Variants in TLN1 observed in about 807,000 individuals in gnomAD.
TLN1 encodes the protein talin-1.
Under a neutral mutation model 292.3 loss-of-function variants are expected in TLN1, and 56 were observed. The ratio of observed to expected loss-of-function variants is 0.19; its 90% CI spans 0.15 to 0.24. The LOEUF is 0.24. TLN1 is among the 10% of genes least tolerant of loss of function. The pLI is 1.00. For missense variants in TLN1, 2,433 were observed against 3,248.2 expected (o/e 0.75, Z 6.10); for synonymous variants, 1,119 against 1,253.7 (o/e 0.89, Z 2.27).
chr9:35,729,353 G>A (rs1455834276), intron 1 of TLN1, among the ~76,000 whole-genome samples: 1 of 152,210 alleles, frequency 6.6e-6, no homozygotes, highest in Non-Finnish European at 1.5e-5. Context: ...AATCGTGGAG[G>A]AGCATTCAGG....
In TLN1 at chr9:35,724,754, C is replaced by G; in HGVS notation, c.359-30G>C. ...GGAAGGAGATGGCTTGTTAGCTTCC[C>G]AGGTACTGCATCCATGCCTTTTGAG... On this transcript the variant is annotated intron_variant, in intron 4 of 56. Transcript: ENST00000314888. This position sits in a 1 kb window ranked among gnomAD's most constrained non-coding sequence, Gnocchi z 4.7. 6.2e-7 allele frequency: 1 copy of G among 1,613,888 alleles called. No homozygotes were observed. The highest frequency in any genetic ancestry group is 1.1e-5 in the South Asian group (1 of 91,080).
intron 19 of TLN1, among the ~76,000 whole-genome samples, 160 bp from the exon 20 acceptor site, chr9:35,716,716 T>C (rs933692673): frequency 2.6e-5 from 4 of 152,132 alleles, no homozygotes; most frequent in Non-Finnish European, 4.4e-5. Context: ...TTGGGGCTAT[T>C]TTTTTTCTGG....
intron 1 of TLN1, among the ~76,000 whole-genome samples, chr9:35,730,295 T>A (rs1293982977): frequency 6.6e-6 from 1 of 151,266 alleles, no homozygotes; most frequent in Non-Finnish European, 1.5e-5. Context: ...TCAGGCTGAG[T>A]AGAGGATAGT....
chr9:35,712,883 CT>C lies in TLN1; in HGVS notation c.3512del (p.Lys1171ArgfsTer22). Reference protein sequence around the residue: ...KASSLIEEAKKAAGHPGDPES... With the variant: ...KASSLIEEAKXAAGHPGDPES... ...CAGGGTCCCCTGGATGGCCAGCTGCCTTTTTCGCCTCCTCAATGAGGCTGCT... is the reference window on the plus strand; with the variant it reads ...CAGGGTCCCCTGGATGGCCAGCTGCCTTTTCGCCTCCTCAATGAGGCTGCT... On this transcript the variant is annotated frameshift_variant, in exon 27 of 57. Transcript: ENST00000314888. LOFTEE classifies it high-confidence loss of function. 1.3e-6 allele frequency: 2 copies of C among 1,598,752 alleles called. No homozygotes were observed. Among genetic ancestry groups the C allele is most frequent in the Non-Finnish European group, 1.7e-6 (2 of 1,172,082 alleles).
Position 35,725,330 on chromosome 9 carries a change from G to A in TLN1, c.131-9C>T. 1.2e-6 allele frequency: 2 copies of A among 1,613,842 alleles called. No individual in the cohort carries two copies. Among genetic ancestry groups the A allele is most frequent in the South Asian group, 1.1e-5 (1 of 91,046 alleles). On this transcript the variant is annotated splice_polypyrimidine_tract_variant and intron_variant, in intron 2 of 56. Coordinates refer to ENST00000314888, the MANE Select transcript of TLN1 (RefSeq NM_006289.4). ...GAGCCCAAAGTCGCTGGCTAAAAGA[G>A]AGGATGGATCACTTTAGGCTTATGA... is the stretch of plus-strand genomic sequence containing the variant.
chr9:35,699,197 G>A lies in TLN1; in HGVS notation c.6875-41C>T. On this transcript the variant is annotated intron_variant, in intron 51 of 56. Coordinates refer to ENST00000314888, the MANE Select transcript of TLN1 (RefSeq NM_006289.4). The surrounding 1 kb of genome is among the most constrained non-coding windows in gnomAD (Gnocchi z 4.0). ...AAGAGGAAAGAGGCTAAGGCAGAGT[G>A]GGGAGGTCAAAAGCACCAGGGAGCA... 1.9e-6 allele frequency: 3 copies of A among 1,585,822 alleles called. No homozygotes were observed. The highest frequency in any genetic ancestry group is 2.3e-5 in the South Asian group (2 of 88,858).
At position 35,732,118 on chromosome 9, in the gene TLN1, C is replaced by T. The variant is rs1173575719; in HGVS notation, c.-77G>A. ...CGCCCCGCCCGCCGGCCCGCCGCCC[C>T]GCCGCTTCTCGGGTCGCCCTCGGGC... On this transcript the variant is annotated 5_prime_UTR_variant, in exon 1 of 57. Coordinates refer to ENST00000314888, the MANE Select transcript of TLN1 (RefSeq NM_006289.4). This position sits in a 1 kb window ranked among gnomAD's most constrained non-coding sequence, Gnocchi z 5.1. 6.5e-6 allele frequency: 1 copy of T among 154,018 alleles called. No homozygotes were observed. Among genetic ancestry groups the T allele is most frequent in the Non-Finnish European group, 1.4e-5 (1 of 68,984 alleles). 9.5% of individuals were successfully genotyped at this position (154,018 alleles called of 1,614,324 possible). A position where few individuals can be genotyped will look rare whatever the true frequency, so the allele number is the denominator to read the frequency against.
chr9:35,699,048 G>A lies in TLN1; in HGVS notation c.6983C>T (p.Pro2328Leu). The A allele has an allele frequency of 6.2e-7, 1 of 1,613,508 alleles. No individual in the cohort carries two copies. Among genetic ancestry groups the A allele is most frequent in the East Asian group, 2.2e-5 (1 of 44,854 alleles). The change falls in exon 52 of 57, where the codon CCC (proline) becomes CTC (leucine). Residue 2328 changes from proline to leucine, a missense_variant. This residue lies in a region of TLN1 where 1,384 missense variants were observed against 1,699.6 expected (regional missense o/e 0.81). Coordinates refer to ENST00000314888, the MANE Select transcript of TLN1 (RefSeq NM_006289.4). This position sits in a 1 kb window ranked among gnomAD's most constrained non-coding sequence, Gnocchi z 4.0. ...AGGACTGACCTTGGGTTTGGCCCGG[G>A]GCTTCAGCTGCTCTAGCTTTTTGGC... ...AAAKKLEQLK[P>L]RAKPKEADES...
Position 35,706,119 on chromosome 9 carries a change from G to T in TLN1, c.5362-8C>A. 1.2e-6 allele frequency: 2 copies of T among 1,613,970 alleles called. No individual in the cohort carries two copies. Among genetic ancestry groups the T allele is most frequent in the Non-Finnish European group, 1.7e-6 (2 of 1,179,950 alleles). ...CTGGGTGTGAGCTGCTTGCTGTGGG[G>T]AGAGGAGAGGAGCTCTGTTGTTCCT... On this transcript the variant is annotated splice_region_variant and splice_polypyrimidine_tract_variant and intron_variant, in intron 40 of 56. Coordinates refer to ENST00000314888, the MANE Select transcript of TLN1 (RefSeq NM_006289.4). This position sits in a 1 kb window ranked among gnomAD's most constrained non-coding sequence, Gnocchi z 4.2.
chr9:35,717,342 G>A lies in TLN1; in HGVS notation c.2262C>T (p.Ser754=), dbSNP rs201035238. 1.2e-6 allele frequency: 2 copies of A among 1,614,134 alleles called. No individual in the cohort carries two copies. The highest frequency in any genetic ancestry group is 2.2e-5 in the East Asian group (1 of 44,888). The change falls in exon 19 of 57, where the codon TCC becomes TCT. Residue 754 remains serine, a synonymous_variant. Coordinates refer to ENST00000314888, the MANE Select transcript of TLN1 (RefSeq NM_006289.4). The surrounding 1 kb of genome is among the most constrained non-coding windows in gnomAD (Gnocchi z 4.7). ...GTTGCCCATCCTCTGTAGCTGCCTG[G>A]GAGGCAGACACACAGCCCTCCACGG... ...AKAVEGCVSA[S]QAATEDGQLL...
intron 33 of TLN1, among the ~76,000 whole-genome samples, chr9:35,709,478 T>C (rs1039899377): frequency 6.6e-6 from 1 of 152,196 alleles, no homozygotes; most frequent in South Asian, 2.1e-4. Flanking sequence ...AGGATTCATA[T>C]ACTAAAGCAA....
intron 48 of TLN1, among the ~76,000 whole-genome samples, chr9:35,702,907 G>A (rs975858591): frequency 2.0e-5 from 3 of 152,230 alleles, no homozygotes; most frequent in Admixed American, 1.3e-4. Context: ...ACTGAATGTA[G>A]CAACTAAGAA....
Position 35,697,462 on chromosome 9 carries a change from T to C in TLN1, c.*329A>G, listed in dbSNP as rs1470953187. ...ACGGTGAAGAGAGCTGATGAGGCTGTGGGGACTGGCCGGAAGCTGCTGGCA... is the reference window on the plus strand; with the variant it reads ...ACGGTGAAGAGAGCTGATGAGGCTGCGGGGACTGGCCGGAAGCTGCTGGCA... On this transcript the variant is annotated 3_prime_UTR_variant, in exon 57 of 57. Coordinates refer to ENST00000314888, the MANE Select transcript of TLN1 (RefSeq NM_006289.4). The C allele has an allele frequency of 8.8e-6, 3 of 341,100 alleles. No individual in the cohort carries two copies. Among genetic ancestry groups the C allele is most frequent in the East Asian group, 1.1e-4 (2 of 18,242 alleles). The allele number at this position is 341,100 out of a possible 1,614,324, so 21.1% of individuals were successfully genotyped here.
intron 43 of TLN1, 45 bp downstream of exon 43, chr9:35,705,506 A>C: frequency 6.5e-7 from 1 of 1,527,126 alleles, no homozygotes; most frequent in Non-Finnish European, 8.8e-7. Context: ...CTGACACATC[A>C]GGAACAAGGG....
At position 35,724,600 on chromosome 9, in the gene TLN1, T is replaced by C. The variant is rs754622493; in HGVS notation, c.483A>G (p.Leu161=). ...CATCATCTGTGTGCAATTTCTGCTTTAGTTTCTCCATCTTCTTTTCATCTC... is the reference window on the plus strand; with the variant it reads ...CATCATCTGTGTGCAATTTCTGCTTCAGTTTCTCCATCTTCTTTTCATCTC... ...LLRDEKKMEK[L]KQKLHTDDEL... The change falls in exon 5 of 57, where the codon CTA becomes CTG. Residue 161 remains leucine, a synonymous_variant. Transcript: ENST00000314888. The surrounding 1 kb of genome is among the most constrained non-coding windows in gnomAD (Gnocchi z 4.7). 3.8e-5 allele frequency: 62 copies of C among 1,614,088 alleles called. No individual in the cohort carries two copies. The highest frequency in any genetic ancestry group is 3.4e-5 in the Non-Finnish European group (40 of 1,180,046).
chr9:35,723,897 T>C, intron 7 of TLN1, 55 bp downstream of exon 7: 2 of 1,602,136 alleles, frequency 1.2e-6, no homozygotes, highest in Non-Finnish European at 8.5e-7. Flanking sequence ...CCCACTGGGG[T>C]CACAATGGCA....
At chr9:35,712,699 G>T in intron 27 of TLN1, 136 bp downstream of exon 27, 1 of 626,934 alleles carries the variant, frequency 1.6e-6, no homozygotes, top group Non-Finnish European at 2.8e-6. Flanking sequence ...GGAATCCACA[G>T]AGGGGCTGTC....
intron 26 of TLN1, 67 bp downstream of exon 26, chr9:35,713,129 C>A: frequency 6.4e-7 from 1 of 1,571,618 alleles, no homozygotes; most frequent in Non-Finnish European, 8.7e-7. Flanking sequence ...AGTCCCATCC[C>A]TCATCCAGCT....
In TLN1 at chr9:35,707,264, G is replaced by A. The variant is rs1320348175; in HGVS notation, c.4774-11C>T. On this transcript the variant is annotated splice_polypyrimidine_tract_variant and intron_variant, in intron 36 of 56. Transcript: ENST00000314888. This position sits in a 1 kb window ranked among gnomAD's most constrained non-coding sequence, Gnocchi z 5.6. ...CATGGCAGCCCGACCCTGGGGAGAG[G>A]GGAGGCAGGAAGGTAAGTCTCAGGA... The A allele has an allele frequency of 6.2e-7, 1 of 1,603,474 alleles. No homozygotes were observed. The highest frequency in any genetic ancestry group is 1.7e-5 in the Admixed American group (1 of 59,358).
Sources: allele counts gnomAD v4.1 joint callset (sites outside exome capture counted in the v4.1 genomes callset), GRCh38; gene constraint gnomAD v4.1.1; regional missense constraint gnomAD v4.1.1; non-coding constraint Gnocchi (gnomAD v3.1); transcripts MANE v1.5; gene names NCBI Gene and HGNC (gene_info 2026-07-23, HGNC 2026-07-21).